Variants in C1orf21 observed in about 807,000 individuals in gnomAD.
C1orf21 encodes the protein chromosome 1 open reading frame 21.
In C1orf21, 3 loss-of-function variants were observed where a neutral mutation model predicts 18.7. The observed-to-expected ratio is 0.16, with a 90% CI of 0.07 to 0.42. The LOEUF (loss-of-function observed/expected upper bound fraction) is 0.42, where lower values mean the gene tolerates loss of function less well. C1orf21 is among the 10% of genes least tolerant of loss of function. The pLI is 0.99. For missense variants in C1orf21, 104 were observed against 143.6 expected (o/e 0.72, Z 1.41); for synonymous variants, 41 against 46.4 (o/e 0.88, Z 0.47).
At chr1:184,452,826 C>G (rs1657142039) in intron 1 of C1orf21, among the ~76,000 whole-genome samples, 1 of 152,094 alleles carries the variant, frequency 6.6e-6, no homozygotes, top group Non-Finnish European at 1.5e-5. Context: ...CTCTGTCTTT[C>G]TTGTTTTAAT....
intron 2 of C1orf21, among the ~76,000 whole-genome samples, chr1:184,481,038 C>T (rs1399633030): frequency 5.9e-5 from 9 of 151,666 alleles, no homozygotes; most frequent in Admixed American, 2.6e-4. Context: ...AAAGTAAGCA[C>T]GTAGTTAGAT....
At chr1:184,596,525 T>C (rs1405960125) in intron 4 of C1orf21, among the ~76,000 whole-genome samples, 1 of 152,180 alleles carries the variant, frequency 6.6e-6, no homozygotes, top group African/African-American at 2.4e-5. Flanking sequence ...TAGGGCAACA[T>C]TTCTGGGGCA....
rs1291382411 is a variant in C1orf21, at chr1:184,387,575, G to A, written c.-125+207G>A. On this transcript the variant is annotated intron_variant, in intron 1 of 5. Coordinates refer to ENST00000235307, the MANE Select transcript of C1orf21 (RefSeq NM_030806.4). The surrounding 1 kb of genome is among the most constrained non-coding windows in gnomAD (Gnocchi z 5.6). ...CTGGTGCGGGGCTGGCGGGGTTGCT[G>A]CCAGGGACGGAAGCTGGGGTGGGGG... Among the ~76,000 whole-genome samples the A allele has an allele frequency of 6.6e-6, 1 of 151,888 alleles. No homozygotes were observed. The highest frequency in any genetic ancestry group is 1.5e-5 in the Non-Finnish European group (1 of 67,932).
intron 3 of C1orf21, among the ~76,000 whole-genome samples, chr1:184,545,558 G>A (rs78441301): frequency 0.016 from 2,387 of 152,160 alleles, 29 homozygotes; most frequent in Non-Finnish European, 0.026. Flanking sequence ...CCTGTCTTCA[G>A]GGAACTATAC....
rs538545937 is a variant in C1orf21 at position 184,606,299 on chromosome 1, G to T, written c.327+7838G>T. 2.0e-5 allele frequency among the ~76,000 whole-genome samples: 3 copies of T among 152,300 alleles called. No homozygotes were observed. The South Asian group carries it at 6.2e-4, about 32-fold the overall frequency. ...CCTTTTAAAAGATATTCATTGGCCAGGTGTAGTGGCCCATGCCTGTAATCC... is the reference window on the plus strand; with the variant it reads ...CCTTTTAAAAGATATTCATTGGCCATGTGTAGTGGCCCATGCCTGTAATCC... On this transcript the variant is annotated intron_variant, in intron 5 of 5. Transcript: ENST00000235307.
chr1:184,456,777 T>C (rs545267994), intron 1 of C1orf21, among the ~76,000 whole-genome samples: 1 of 152,318 alleles, frequency 6.6e-6, no homozygotes, highest in African/African-American at 2.4e-5. Context: ...TCATGCTAGT[T>C]ATATCAATTA....
At chr1:184,432,973 T>A (rs146934209) in intron 1 of C1orf21, among the ~76,000 whole-genome samples, 4 of 152,316 alleles carry the variant, frequency 2.6e-5, no homozygotes, top group African/African-American at 9.6e-5. Context: ...ACACCAAAAT[T>A]CAAGATCAGT....
At chr1:184,557,434 T>C (rs1276685580) in intron 3 of C1orf21, among the ~76,000 whole-genome samples, 1 of 152,132 alleles carries the variant, frequency 6.6e-6, no homozygotes, top group African/African-American at 2.4e-5. Flanking sequence ...CCAAAGTCCA[T>C]TGTATCATTC....
rs561790716 is a variant in C1orf21 at position 184,595,112 on chromosome 1, GT to G, written c.267-3285del. On this transcript the variant is annotated intron_variant, in intron 4 of 5. Transcript: ENST00000235307. The stretch of plus-strand genomic sequence containing the variant: ...AGGGAGTGCTCCAGTGCTGCATTGA[GT>G]TTTCCAAGGTTGTTTTAGTTACGAG... 7.1e-4 allele frequency among the ~76,000 whole-genome samples: 108 copies of G among 152,320 alleles called. 3 individuals are homozygous for G. The South Asian group carries it at 0.022, about 31-fold the overall frequency.
intron 3 of C1orf21, among the ~76,000 whole-genome samples, chr1:184,570,127 A>G (rs1558005220): frequency 6.6e-6 from 1 of 152,198 alleles, no homozygotes; most frequent in East Asian, 1.9e-4. Context: ...TTTATACTAT[A>G]TTAAATAAGA....
At chr1:184,605,562 G>A (rs1659636786) in intron 5 of C1orf21, among the ~76,000 whole-genome samples, 1 of 152,148 alleles carries the variant, frequency 6.6e-6, no homozygotes, top group South Asian at 2.1e-4. Flanking sequence ...CAGCGTAGCA[G>A]GTATAGAGCA....
chr1:184,533,936 G>C (rs570473568), intron 3 of C1orf21, among the ~76,000 whole-genome samples: 1 of 152,244 alleles, frequency 6.6e-6, no homozygotes, highest in East Asian at 1.9e-4. Context: ...AGACCTATGG[G>C]GACAGAAGTT....
chr1:184,396,729 C>G (rs1656055899), intron 1 of C1orf21, among the ~76,000 whole-genome samples: 1 of 152,196 alleles, frequency 6.6e-6, no homozygotes, highest in Non-Finnish European at 1.5e-5. Flanking sequence ...ATTCTACCCT[C>G]TTACCACACC....
chr1:184,603,387 A>G (rs1032756853), intron 5 of C1orf21, among the ~76,000 whole-genome samples: 3 of 152,248 alleles, frequency 2.0e-5, no homozygotes, highest in African/African-American at 7.2e-5. Flanking sequence ...TGCATCTCAC[A>G]TATTCCTGTG....
intron 3 of C1orf21, among the ~76,000 whole-genome samples, chr1:184,581,289 T>C (rs1484512490): frequency 6.6e-6 from 1 of 152,108 alleles, no homozygotes; most frequent in African/African-American, 2.4e-5. Context: ...TAGCCAGGCA[T>C]GGTGGCATGC....
intron 3 of C1orf21, among the ~76,000 whole-genome samples, chr1:184,554,975 T>C (rs1225229423): frequency 6.6e-6 from 1 of 152,214 alleles, no homozygotes; most frequent in Non-Finnish European, 1.5e-5. Flanking sequence ...TAGAGTAGCC[T>C]CTATCAGCCC....
At chr1:184,597,624 G>A (rs1659534278) in intron 4 of C1orf21, among the ~76,000 whole-genome samples, 1 of 152,070 alleles carries the variant, frequency 6.6e-6, no homozygotes, top group Non-Finnish European at 1.5e-5. Flanking sequence ...ACAGCTATCT[G>A]CTAGGTAGAA....
intron 2 of C1orf21, among the ~76,000 whole-genome samples, chr1:184,481,169 T>TA (rs923196743): frequency 3.7e-4 from 56 of 151,070 alleles, no homozygotes; most frequent in African/African-American, 2.2e-4. Flanking sequence ...AGAAATAACT[T>TA]AAAAAAAAAC....
intron 1 of C1orf21, among the ~76,000 whole-genome samples, chr1:184,423,257 G>C (rs1289330827): frequency 1.3e-5 from 2 of 152,312 alleles, no homozygotes; most frequent in East Asian, 3.9e-4. Flanking sequence ...AACTTCACCA[G>C]TCTCATAGAA....
Sources: gnomAD v4.1 joint callset for allele counts (sites outside exome capture counted in the v4.1 genomes callset) on GRCh38, gnomAD v4.1.1 for gene constraint, Gnocchi (gnomAD v3.1) non-coding constraint, MANE v1.5 for transcripts, NCBI Gene and HGNC (gene_info 2026-07-23, HGNC 2026-07-21) for gene names.